HOXD8: variants seen among roughly 807,000 people sequenced by gnomAD.
HOXD8 encodes homeobox protein Hox-D8.
In HOXD8, 17 loss-of-function variants were observed where a neutral mutation model predicts 25.4. That is an observed-to-expected ratio of 0.67 (90% CI 0.46 to 1.00). The LOEUF is 1.00. Among genes scored for constraint, HOXD8 ranks in the 50% least tolerant of loss-of-function variants. The probability of loss-of-function intolerance (pLI) is 0.00; values close to 1 mark genes in which losing one functional copy is unlikely to be tolerated. For missense variants in HOXD8, 511 were observed against 398.5 expected, an observed-to-expected ratio of 1.28 and a Z score of -2.40; for synonymous variants, 203 against 175.3, an observed-to-expected ratio of 1.16 and a Z score of -1.25.
rs201637028 is a variant in HOXD8, at chr2:176,132,021, TAAA to T, written c.*415_*417del. On this transcript the variant is annotated 3_prime_UTR_variant, in exon 2 of 2. Transcript: ENST00000313173. ...AGTAAATTAAAAGGAGTTTATTAAT[TAAA>T]AAAAATTATGTCTGCAGAATACTTT... is the stretch of plus-strand genomic sequence containing the variant. 1 of 155,582 alleles carries T rather than the reference TAAA, an allele frequency of 6.4e-6. No homozygotes were observed. Among genetic ancestry groups the T allele is most frequent in the African/African-American group, 2.4e-5 (1 of 41,518 alleles). The allele number at this position is 155,582 out of a possible 1,614,324, so 9.6% of individuals were successfully genotyped here.
Position 176,130,579 on chromosome 2 carries a change from C to A in HOXD8, c.213C>A (p.His71Gln), listed in dbSNP as rs772686524. 1.4e-6 allele frequency: 2 copies of A among 1,462,880 alleles called. No homozygotes were observed. Among genetic ancestry groups the A allele is most frequent in the Admixed American group, 5.4e-5 (2 of 37,342 alleles). 90.6% of individuals were successfully genotyped at this position (1,462,880 alleles called of 1,614,324 possible). The change falls in exon 1 of 2, where the codon CAC becomes CAA. Residue 71 changes from histidine (H) to glutamine (Q), a missense_variant. Coordinates refer to ENST00000313173, the MANE Select transcript of HOXD8 (RefSeq NM_019558.4). ...ACGCGCCCCCGCAGGCGCACGCGCA[C>A]CCGCACCCGTCCCCGCCGCCCTCCG... is the stretch of plus-strand genomic sequence containing the variant. ...FPHAPPQAHA[H>Q]PHPSPPPSGT...
rs1331769656 is a variant in HOXD8 at position 176,130,267 on chromosome 2, C to G, written c.-100C>G. On this transcript the variant is annotated 5_prime_UTR_variant, in exon 1 of 2. Coordinates refer to ENST00000313173, the MANE Select transcript of HOXD8 (RefSeq NM_019558.4). The stretch of plus-strand genomic sequence containing the variant: ...CCGGCGGTCCCGGCGGCGAGAGCAG[C>G]CGCCCCACAGGCCCCCGCGGCAGTG... 6.0e-6 allele frequency: 4 copies of G among 670,956 alleles called. No individual in the cohort carries two copies. The highest frequency in any genetic ancestry group is 8.3e-6 in the Non-Finnish European group (4 of 483,568). The allele number at this position is 670,956 out of a possible 1,614,324, so 41.6% of individuals were successfully genotyped here. A position where few individuals can be genotyped will look rare whatever the true frequency, so the allele number is the denominator to read the frequency against.
chr2:176,131,423 C>T lies in HOXD8; in HGVS notation c.684C>T (p.Ile228=). Residue 228 remains isoleucine, a synonymous_variant, in exon 2 of 2, where the codon ATC becomes ATT. Coordinates refer to ENST00000313173, the MANE Select transcript of HOXD8 (RefSeq NM_019558.4). ...CCTATCTGACCAGGAAAAGAAGAAT[C>T]GAGGTTTCCCACGCCCTAGCCCTCA... The part of the protein sequence containing the change: ...FNPYLTRKRR[I]EVSHALALTE... 6.2e-7 allele frequency: 1 copy of T among 1,610,992 alleles called. No individual in the cohort carries two copies. Among genetic ancestry groups the T allele is most frequent in the Non-Finnish European group, 8.5e-7 (1 of 1,178,670 alleles).
In HOXD8 at chr2:176,131,608, A is replaced by T. The variant is rs75818878; in HGVS notation, c.869A>T (p.Asn290Ile). Residue 290 changes from asparagine (N) to isoleucine (I), a missense_variant, in exon 2 of 2, where the codon AAT becomes ATT. Asn to Ile is a moderately radical substitution (Grantham distance 149). Transcript: ENST00000313173. ...LEEDRAEGLT[N>I] The stretch of plus-strand genomic sequence containing the variant: ...GAAGACAGAGCCGAAGGCCTGACAA[A>T]TTAACTTCTACCTTTAAAATTTACC... The T allele has an allele frequency of 4.1e-4, 637 of 1,538,052 alleles. 7 individuals are homozygous for T. The East Asian group carries it at 0.014, about 33-fold the overall frequency.
rs1690047977 is a variant in HOXD8, at chr2:176,130,100, CCCGCGACCCGCGAGGGA to C, written c.-266_-250del. ...GCGGCGCGCGGGGGCTGGGCGAGGC[CCCGCGACCCGCGAGGGA>C]GGCGGCGCGAAGCCGAGGCGGCGGG... is the stretch of plus-strand genomic sequence containing the variant. On this transcript the variant is annotated 5_prime_UTR_variant, in exon 1 of 2. Coordinates refer to ENST00000313173, the MANE Select transcript of HOXD8 (RefSeq NM_019558.4). The C allele has an allele frequency of 6.6e-6, 1 of 152,066 alleles. No homozygotes were observed. Among genetic ancestry groups the C allele is most frequent in the South Asian group, 2.1e-4 (1 of 4,824 alleles). The allele number at this position is 152,066 out of a possible 1,614,324, so 9.4% of individuals were successfully genotyped here. A position where few individuals can be genotyped will look rare whatever the true frequency, so the allele number is the denominator to read the frequency against.
Position 176,130,817 on chromosome 2 carries a change from C to G in HOXD8, c.451C>G (p.Gln151Glu), listed in dbSNP as rs771999247. 5.0e-6 allele frequency: 8 copies of G among 1,613,466 alleles called. No homozygotes were observed. Among genetic ancestry groups the G allele is most frequent in the Non-Finnish European group, 6.8e-6 (8 of 1,179,824 alleles). ...NLQRQPIFTT[Q>E]QEAELVQYPD... ...ACAGAGACAGCCGATTTTTACGACC[C>G]AGCAAGAGGCCGAGCTGGTACAATA... Residue 151 changes from glutamine (Q) to glutamate (E), a missense_variant, in exon 1 of 2, where the codon CAG (glutamine) becomes GAG (glutamate). Physicochemically the swap from Gln to Glu is conservative, Grantham distance 29. Coordinates refer to ENST00000313173, the MANE Select transcript of HOXD8 (RefSeq NM_019558.4).
At position 176,130,517 on chromosome 2, in the gene HOXD8, C is replaced by G. The variant is rs1430211848; in HGVS notation, c.151C>G (p.Leu51Val). Reference sequence around the variant, plus strand: ...CCGTCACGCCGCCGCCGCAGCAGCCCTGCAGCTCTATGGCAACAGCGCCGC... The same window carrying G: ...CCGTCACGCCGCCGCCGCAGCAGCCGTGCAGCTCTATGGCAACAGCGCCGC... ...GGRHAAAAAALQLYGNSAAGF... is the reference protein window; with the variant it reads ...GGRHAAAAAAVQLYGNSAAGF... The change falls in exon 1 of 2, where the codon CTG becomes GTG. Residue 51 changes from leucine (L) to valine (V), a missense_variant. Coordinates refer to ENST00000313173, the MANE Select transcript of HOXD8 (RefSeq NM_019558.4). 1 of 1,490,792 alleles carries G rather than the reference C, an allele frequency of 6.7e-7. No individual in the cohort carries two copies. The highest frequency in any genetic ancestry group is 8.9e-7 in the Non-Finnish European group (1 of 1,127,816). The allele number at this position is 1,490,792 out of a possible 1,614,324, so 92.3% of individuals were successfully genotyped here. A position where few individuals can be genotyped will look rare whatever the true frequency, so the allele number is the denominator to read the frequency against.
Position 176,130,551 on chromosome 2 carries a change from C to T in HOXD8, c.185C>T (p.Pro62Leu). ...QLYGNSAAGFPHAPPQAHAHP... is the reference protein window; with the variant it reads ...QLYGNSAAGFLHAPPQAHAHP... ...TATGGCAACAGCGCCGCCGGCTTCC[C>T]GCACGCGCCCCCGCAGGCGCACGCG... Residue 62 changes from proline to leucine, a missense_variant, in exon 1 of 2, where the codon CCG becomes CTG. Pro to Leu is a moderately conservative substitution (Grantham distance 98, BLOSUM62 -3). Coordinates refer to ENST00000313173, the MANE Select transcript of HOXD8 (RefSeq NM_019558.4). The T allele has an allele frequency of 6.8e-7, 1 of 1,465,880 alleles. No homozygotes were observed. Among genetic ancestry groups the T allele is most frequent in the Non-Finnish European group, 8.9e-7 (1 of 1,119,206 alleles). The allele number at this position is 1,465,880 out of a possible 1,614,324, so 90.8% of individuals were successfully genotyped here. A position where few individuals can be genotyped will look rare whatever the true frequency, so the allele number is the denominator to read the frequency against.
chr2:176,130,525 C>T lies in HOXD8; in HGVS notation c.159C>T (p.Leu53=). The change falls in exon 1 of 2, where the codon CTC becomes CTT. Residue 53 remains leucine (L), a synonymous_variant. Coordinates refer to ENST00000313173, the MANE Select transcript of HOXD8 (RefSeq NM_019558.4). ...CCGCCGCCGCAGCAGCCCTGCAGCT[C>T]TATGGCAACAGCGCCGCCGGCTTCC... is the stretch of plus-strand genomic sequence containing the variant. ...RHAAAAAALQ[L]YGNSAAGFPH... 2.0e-6 allele frequency: 3 copies of T among 1,484,470 alleles called. No individual in the cohort carries two copies. The highest frequency in any genetic ancestry group is 1.3e-5 in the South Asian group (1 of 78,876). 92.0% of individuals were successfully genotyped at this position (1,484,470 alleles called of 1,614,324 possible). A position where few individuals can be genotyped will look rare whatever the true frequency, so the allele number is the denominator to read the frequency against.
rs1315057888 is a variant in HOXD8, at chr2:176,131,445, C to T, written c.706C>T (p.Leu236Phe). ...AATCGAGGTTTCCCACGCCCTAGCCCTCACCGAGAGACAGGTAAAAATCTG... is the reference window on the plus strand; with the variant it reads ...AATCGAGGTTTCCCACGCCCTAGCCTTCACCGAGAGACAGGTAAAAATCTG... ...RRIEVSHALALTERQVKIWFQ... is the reference protein window; with the variant it reads ...RRIEVSHALAFTERQVKIWFQ... Residue 236 changes from leucine (L) to phenylalanine (F), a missense_variant, in exon 2 of 2, where the codon CTC (leucine) becomes TTC (phenylalanine). Leu to Phe is a conservative substitution (Grantham distance 22). Coordinates refer to ENST00000313173, the MANE Select transcript of HOXD8 (RefSeq NM_019558.4). 1.2e-6 allele frequency: 2 copies of T among 1,613,188 alleles called. No individual in the cohort carries two copies. The highest frequency in any genetic ancestry group is 1.7e-6 in the Non-Finnish European group (2 of 1,179,772).
rs978709922 is a variant in HOXD8 at position 176,132,066 on chromosome 2, A to C, written c.*454A>C. ...GAATACTTTATATTATTTGATTACA[A>C]TGTATTATTTATGGATTTTTTATTC... On this transcript the variant is annotated 3_prime_UTR_variant, in exon 2 of 2. Transcript: ENST00000313173. 6.5e-6 allele frequency: 1 copy of C among 152,784 alleles called. No homozygotes were observed. 9.5% of individuals were successfully genotyped at this position (152,784 alleles called of 1,614,324 possible). A position where few individuals can be genotyped will look rare whatever the true frequency, so the allele number is the denominator to read the frequency against.
Position 176,130,520 on chromosome 2 carries a change from C to A in HOXD8, c.154C>A (p.Gln52Lys), listed in dbSNP as rs963576572. Residue 52 changes from glutamine (Q) to lysine (K), a missense_variant, in exon 1 of 2, where the codon CAG becomes AAG. Gln to Lys is a moderately conservative substitution (Grantham distance 53). Coordinates refer to ENST00000313173, the MANE Select transcript of HOXD8 (RefSeq NM_019558.4). ...GRHAAAAAAL[Q>K]LYGNSAAGFP... ...TCACGCCGCCGCCGCAGCAGCCCTG[C>A]AGCTCTATGGCAACAGCGCCGCCGG... 1.1e-5 allele frequency: 16 copies of A among 1,489,858 alleles called. No homozygotes were observed. The highest frequency in any genetic ancestry group is 2.7e-6 in the Non-Finnish European group (3 of 1,127,556). 92.3% of individuals were successfully genotyped at this position (1,489,858 alleles called of 1,614,324 possible).
chr2:176,131,844 C>G lies in HOXD8; in HGVS notation c.*232C>G, dbSNP rs1690122543. 1 of 403,662 alleles carries G rather than the reference C, an allele frequency of 2.5e-6. No homozygotes were observed. The highest frequency in any genetic ancestry group is 4.1e-5 in the Admixed American group (1 of 24,512). 25.0% of individuals were successfully genotyped at this position (403,662 alleles called of 1,614,324 possible). On this transcript the variant is annotated 3_prime_UTR_variant, in exon 2 of 2. Transcript: ENST00000313173. ...CTATGGAAGGGTAATTTGATACTGA[C>G]CTTGTAGCTATATTTTTATAATGGT...
chr2:176,130,281 C>T lies in HOXD8; in HGVS notation c.-86C>T, dbSNP rs1690055966. ...GGCGAGAGCAGCCGCCCCACAGGCC[C>T]CCGCGGCAGTGCGGCCGAGTCGAGG... On this transcript the variant is annotated 5_prime_UTR_variant, in exon 1 of 2. Coordinates refer to ENST00000313173, the MANE Select transcript of HOXD8 (RefSeq NM_019558.4). 2 of 832,900 alleles carry T rather than the reference C, an allele frequency of 2.4e-6. No homozygotes were observed. Among genetic ancestry groups the T allele is most frequent in the African/African-American group, 1.8e-5 (1 of 55,596 alleles). 51.6% of individuals were successfully genotyped at this position (832,900 alleles called of 1,614,324 possible).
chr2:176,130,542 C>A lies in HOXD8; in HGVS notation c.176C>A (p.Ala59Asp). The change falls in exon 1 of 2, where the codon GCC (alanine) becomes GAC (aspartate). Residue 59 changes from alanine (A) to aspartate (D), a missense_variant. By Grantham distance (126) the Ala-to-Asp change is moderately radical. Transcript: ENST00000313173. ...CTGCAGCTCTATGGCAACAGCGCCG[C>A]CGGCTTCCCGCACGCGCCCCCGCAG... ...AALQLYGNSA[A>D]GFPHAPPQAH... 2 of 1,472,542 alleles carry A rather than the reference C, an allele frequency of 1.4e-6. No individual in the cohort carries two copies. Among genetic ancestry groups the A allele is most frequent in the Admixed American group, 2.6e-5 (1 of 39,082 alleles). 91.2% of individuals were successfully genotyped at this position (1,472,542 alleles called of 1,614,324 possible). A position where few individuals can be genotyped will look rare whatever the true frequency, so the allele number is the denominator to read the frequency against.
Position 176,130,572 on chromosome 2 carries a change from A to C in HOXD8, c.206A>C (p.His69Pro). 1 of 1,464,696 alleles carries C rather than the reference A, an allele frequency of 6.8e-7. No homozygotes were observed. The highest frequency in any genetic ancestry group is 8.9e-7 in the Non-Finnish European group (1 of 1,117,472). 90.7% of individuals were successfully genotyped at this position (1,464,696 alleles called of 1,614,324 possible). A position where few individuals can be genotyped will look rare whatever the true frequency, so the allele number is the denominator to read the frequency against. The change falls in exon 1 of 2, where the codon CAC (histidine) becomes CCC (proline). Residue 69 changes from histidine (H) to proline (P), a missense_variant. By Grantham distance (77) the His-to-Pro change is moderately conservative. Coordinates refer to ENST00000313173, the MANE Select transcript of HOXD8 (RefSeq NM_019558.4). ...AGFPHAPPQA[H>P]AHPHPSPPPS... ...TTCCCGCACGCGCCCCCGCAGGCGC[A>C]CGCGCACCCGCACCCGTCCCCGCCG...
At position 176,131,642 on chromosome 2, in the gene HOXD8, TTA is replaced by T. The variant is rs1690117803; in HGVS notation, c.*31_*32del. 1 of 1,181,556 alleles carries T rather than the reference TTA, an allele frequency of 8.5e-7. No individual in the cohort carries two copies. Among genetic ancestry groups the T allele is most frequent in the Non-Finnish European group, 1.2e-6 (1 of 818,712 alleles). 73.2% of individuals were successfully genotyped at this position (1,181,556 alleles called of 1,614,324 possible). On this transcript the variant is annotated 3_prime_UTR_variant, in exon 2 of 2. Coordinates refer to ENST00000313173, the MANE Select transcript of HOXD8 (RefSeq NM_019558.4). ...TACCTTTAAAATTTACCACAGACTA[TTA>T]AAACTAATAATCACCATATGCTGTG...
Position 176,129,716 on chromosome 2 carries a change from T to G in HOXD8, c.-651T>G, listed in dbSNP as rs1253578679. Reference sequence around the variant, plus strand: ...CTGCGCGCGGATCCCTCCGCGGGGCTCCTCGTCCCCGTCACGCTGACTTTC... The same window carrying G: ...CTGCGCGCGGATCCCTCCGCGGGGCGCCTCGTCCCCGTCACGCTGACTTTC... On this transcript the variant is annotated 5_prime_UTR_variant, in exon 1 of 2. Coordinates refer to ENST00000313173, the MANE Select transcript of HOXD8 (RefSeq NM_019558.4). 5.4e-6 allele frequency: 2 copies of G among 367,570 alleles called. No homozygotes were observed. The highest frequency in any genetic ancestry group is 1.1e-5 in the Non-Finnish European group (2 of 178,674). 22.8% of individuals were successfully genotyped at this position (367,570 alleles called of 1,614,324 possible). A position where few individuals can be genotyped will look rare whatever the true frequency, so the allele number is the denominator to read the frequency against.
rs1249150831 is a variant in HOXD8 at position 176,130,708 on chromosome 2, T to G, written c.342T>G (p.His114Gln). Residue 114 changes from histidine (H) to glutamine (Q), a missense_variant, in exon 1 of 2, where the codon CAT becomes CAG. Transcript: ENST00000313173. ...AGGCCGCCCCCCCTCCTCCTCCGCA[T>G]CCTCCGCCTCCGCCGCCACCTCCCC... ...AYQAAPPPPPHPPPPPPPPPC... is the reference protein window; with the variant it reads ...AYQAAPPPPPQPPPPPPPPPC... The G allele has an allele frequency of 6.2e-7, 1 of 1,602,392 alleles. No individual in the cohort carries two copies. Among genetic ancestry groups the G allele is most frequent in the South Asian group, 1.1e-5 (1 of 90,008 alleles).
Sources: allele counts gnomAD v4.1 joint callset, GRCh38; gene constraint gnomAD v4.1.1; transcripts MANE v1.5; gene names NCBI Gene and HGNC (gene_info 2026-07-23, HGNC 2026-07-21).